NOSTRIN: variants seen among roughly 807,000 people sequenced by gnomAD.
NOSTRIN encodes the protein nitric oxide synthase trafficking, also known as BM247 homolog.
Under a neutral mutation model 59.0 loss-of-function variants are expected in NOSTRIN, and 63 were observed. That is an observed-to-expected ratio of 1.07 (90% confidence interval 0.87 to 1.32). The LOEUF (loss-of-function observed/expected upper bound fraction) is 1.32. Ranked by LOEUF, NOSTRIN falls within the 40% of genes most tolerant of loss-of-function variation. The pLI is 0.00. For missense variants in NOSTRIN, 512 were observed against 473.1 expected, an observed-to-expected ratio of 1.08 and a Z score of -0.76; for synonymous variants, 200 against 165.4, an observed-to-expected ratio of 1.21 and a Z score of -1.61.
At chr2:168,859,207 T>A (rs1056753256) in intron 12 of NOSTRIN, 19 of 236,104 alleles carry the variant, frequency 8.0e-5, no homozygotes, top group Admixed American at 3.8e-4. Flanking sequence ...TCCCCTTTCT[T>A]GTCCCTCAGC....
chr2:168,821,534 C>T (rs1015048518), intron 2 of NOSTRIN, among the ~76,000 whole-genome samples: 2 of 152,230 alleles, frequency 1.3e-5, no homozygotes, highest in African/African-American at 4.8e-5. Flanking sequence ...ATTCTTGACC[C>T]TTATGAAACT....
At chr2:168,855,973 G>C (rs1193617899) in intron 11 of NOSTRIN, 1 of 434,838 alleles carries the variant, frequency 2.3e-6, no homozygotes, top group Non-Finnish European at 4.5e-6. Flanking sequence ...TGTCTACCTA[G>C]TAACTTGTTT....
upstream of NOSTRIN, among the ~76,000 whole-genome samples, chr2:168,793,478 G>A (rs1413889100): frequency 3.3e-5 from 5 of 152,070 alleles, no homozygotes; most frequent in African/African-American, 4.8e-5. Flanking sequence ...GGGCCCGGTG[G>A]CACACACCTT....
intron 2 of NOSTRIN, among the ~76,000 whole-genome samples, chr2:168,822,925 C>T (rs1359372051): frequency 2.6e-5 from 4 of 152,174 alleles, no homozygotes; most frequent in Non-Finnish European, 4.4e-5. Flanking sequence ...TTATTGCCAA[C>T]GATTATAATC....
At chr2:168,856,921 C>CTT (rs1275318237) in intron 12 of NOSTRIN, 143 bp downstream of exon 12, 1 of 686,324 alleles carries the variant, frequency 1.5e-6, no homozygotes, top group Non-Finnish European at 2.5e-6. Flanking sequence ...ATAGGGTCAG[C>CTT]TTCATAAGTC....
intron 1 of NOSTRIN, among the ~76,000 whole-genome samples, chr2:168,810,050 C>G (rs530790248): frequency 6.6e-6 from 1 of 152,284 alleles, no homozygotes; most frequent in Admixed American, 6.5e-5. Flanking sequence ...TCCTGGGCCA[C>G]ATTCCAGGTG....
Position 168,811,576 on chromosome 2 carries a change from G to C in NOSTRIN, c.37G>C (p.Val13Leu). The C allele has an allele frequency of 1.2e-6, 1 of 850,978 alleles. No homozygotes were observed. 52.7% of individuals were successfully genotyped at this position (850,978 alleles called of 1,614,324 possible). ...DPLTDCPYNKVYKNLKEFSQN... is the reference protein window; with the variant it reads ...DPLTDCPYNKLYKNLKEFSQN... ...TGTTCTTGTTTTTCAGTATAATAAAGTATACAAGAACCTAAAGGAGTTTTC... is the reference window on the plus strand; with the variant it reads ...TGTTCTTGTTTTTCAGTATAATAAACTATACAAGAACCTAAAGGAGTTTTC... The change falls in exon 2 of 16, where the codon GTA becomes CTA. Residue 13 changes from valine (V) to leucine (L), a missense_variant. Physicochemically the swap from Val to Leu is conservative, Grantham distance 32. Transcript: ENST00000317647.
At chr2:168,856,499 T>C in intron 11 of NOSTRIN, 191 bp from the exon 12 acceptor site, 1 of 565,276 alleles carries the variant, frequency 1.8e-6, no homozygotes, top group Non-Finnish European at 3.2e-6. Context: ...TGTTTGAACT[T>C]GGGAGGCAGA....
At chr2:168,824,759 T>G (rs1359413991) in intron 3 of NOSTRIN, 42 bp downstream of exon 3, 1 of 835,548 alleles carries the variant, frequency 1.2e-6, no homozygotes, top group Non-Finnish European at 2.1e-6. Flanking sequence ...AACCCTTTTT[T>G]TATTTGTTTT....
intron 11 of NOSTRIN, chr2:168,856,077 A>G (rs1689084363): frequency 4.3e-6 from 1 of 231,764 alleles, no homozygotes. Context: ...ACGAGGAAGA[A>G]GCCAACGTTG....
intron 7 of NOSTRIN, among the ~76,000 whole-genome samples, chr2:168,841,815 G>A (rs1024091817): frequency 7.2e-5 from 11 of 152,300 alleles, no homozygotes; most frequent in South Asian, 2.1e-4. Context: ...CCTTCAGAAC[G>A]AAGTTCCAAA....
chr2:168,802,506 C>T (rs1685646864), upstream of NOSTRIN: 1 of 690,904 alleles, frequency 1.4e-6, no homozygotes, highest in Non-Finnish European at 2.6e-6. Flanking sequence ...AGGGCTGGGA[C>T]TTCCTCCTTG....
chr2:168,855,730 A>G (rs935451047), intron 11 of NOSTRIN: 17 of 426,514 alleles, frequency 4.0e-5, no homozygotes, highest in Non-Finnish European at 6.7e-5. Flanking sequence ...TAGCATTTTA[A>G]CTGTGTTTCT....
In NOSTRIN at chr2:168,855,342, T is replaced by A; in HGVS notation, c.856-10T>A. The A allele has an allele frequency of 6.7e-7, 1 of 1,483,140 alleles. No homozygotes were observed. The highest frequency in any genetic ancestry group is 1.2e-5 in the South Asian group (1 of 81,418). 91.9% of individuals were successfully genotyped at this position (1,483,140 alleles called of 1,614,324 possible). A position where few individuals can be genotyped will look rare whatever the true frequency, so the allele number is the denominator to read the frequency against. The stretch of plus-strand genomic sequence containing the variant: ...TCCCCCTTGTTAGACATCCTTCTTT[T>A]TTCCTAAAGGAAGAAGATCCTAACA... On this transcript the variant is annotated splice_polypyrimidine_tract_variant and intron_variant, in intron 10 of 15. Coordinates refer to ENST00000317647, the MANE Select transcript of NOSTRIN (RefSeq NM_001039724.4).
At position 168,834,381 on chromosome 2, in the gene NOSTRIN, C is replaced by A. The variant is rs1053098014; in HGVS notation, c.504+56C>A. 7 of 829,786 alleles carry A rather than the reference C, an allele frequency of 8.4e-6. No individual in the cohort carries two copies. The South Asian group carries it at 9.6e-5, about 11-fold the overall frequency. 51.4% of individuals were successfully genotyped at this position (829,786 alleles called of 1,614,324 possible). A position where few individuals can be genotyped will look rare whatever the true frequency, so the allele number is the denominator to read the frequency against. ...GCCATAGAGAGGGATGGACTTGCTG[C>A]CCTTAGCTACGAACACAAGAGAACG... On this transcript the variant is annotated intron_variant, in intron 7 of 15. Coordinates refer to ENST00000317647, the MANE Select transcript of NOSTRIN (RefSeq NM_001039724.4).
intron 1 of NOSTRIN, chr2:168,786,845 C>G (rs829952): frequency 0.015 from 2,274 of 152,292 alleles, 31 homozygotes; most frequent in Non-Finnish European, 0.024. Flanking sequence ...TGCCTCCCCC[C>G]TCCTCCAGAG....
intron 11 of NOSTRIN, 179 bp from the exon 12 acceptor site, chr2:168,856,511 G>A (rs1347738600): frequency 3.4e-6 from 2 of 582,920 alleles, no homozygotes; most frequent in Non-Finnish European, 6.1e-6. Flanking sequence ...GGAGGCAGAG[G>A]TTGCAGTGAG....
At chr2:168,829,685 T>C (rs1369577308) in intron 5 of NOSTRIN, among the ~76,000 whole-genome samples, 2 of 152,230 alleles carry the variant, frequency 1.3e-5, no homozygotes, top group African/African-American at 4.8e-5. Flanking sequence ...TTAAGCACTT[T>C]ATACTCTACT....
At chr2:168,791,406 G>A (rs945832249) in intron 2 of NOSTRIN, among the ~76,000 whole-genome samples, 2 of 152,130 alleles carry the variant, frequency 1.3e-5, no homozygotes, top group Non-Finnish European at 2.9e-5. Flanking sequence ...TGGACATTTG[G>A]GTTGGTTCCA....
Sources: allele counts gnomAD v4.1 joint callset (sites outside exome capture counted in the v4.1 genomes callset), GRCh38; gene constraint gnomAD v4.1.1; transcripts MANE v1.5; gene names NCBI Gene and HGNC (gene_info 2026-07-23, HGNC 2026-07-21).